The following CASK variants were observed in gnomAD, a reference collection of about 807,000 sequenced individuals.
CASK encodes calcium/calmodulin dependent serine protein kinase.
A neutral mutation model predicts 82.9 loss-of-function variants in CASK; 4 were observed. That is an observed-to-expected ratio of 0.05 (90% CI 0.02 to 0.11). The LOEUF (loss-of-function observed/expected upper bound fraction) is 0.11. Among genes scored for constraint, CASK ranks in the 10% least tolerant of loss-of-function variants. CASK has a pLI of 1.00. For synonymous variants in CASK, 259 were observed against 253.5 expected (o/e 1.02, Z -0.20); for missense variants, 358 against 720.9 (o/e 0.50, Z 5.76).
intron 12 of CASK, among the ~76,000 whole-genome samples, chrX:41,596,670 TA>T (rs979031153): frequency 2.7e-5 from 3 of 110,661 alleles, no homozygotes; most frequent in Middle Eastern, 4.7e-3. Flanking sequence ...CACTTTTTAT[TA>T]AAAAAAACAA....
intron 3 of CASK, among the ~76,000 whole-genome samples, chrX:41,786,346 G>A (rs1484682521): frequency 9.2e-6 from 1 of 108,631 alleles, no homozygotes; most frequent in African/African-American, 3.4e-5. Context: ...TATTTAGCAA[G>A]TATATCTTCT....
intron 2 of CASK, among the ~76,000 whole-genome samples, chrX:41,795,535 G>A (rs969697983): frequency 2.7e-5 from 3 of 110,699 alleles, no homozygotes; most frequent in African/African-American, 6.6e-5. Flanking sequence ...GTGCGGTGAC[G>A]TGTGCCTGTA....
intron 5 of CASK, among the ~76,000 whole-genome samples, chrX:41,733,654 C>A (rs764142592): frequency 2.7e-5 from 3 of 109,760 alleles, no homozygotes; most frequent in Middle Eastern, 4.7e-3. Context: ...GAGGCTGAGG[C>A]AGGAGAATGG....
intron 1 of CASK, among the ~76,000 whole-genome samples, chrX:41,854,203 TGCGC>T (rs1252712343): frequency 5.2e-5 from 4 of 77,642 alleles, no homozygotes; most frequent in African/African-American, 1.9e-4. Context: ...CCAGGGAACA[TGCGC>T]GCGCGCGCGG....
intron 2 of CASK, among the ~76,000 whole-genome samples, chrX:41,828,276 T>A (rs2070709941): frequency 9.0e-6 from 1 of 111,635 alleles, no homozygotes; most frequent in African/African-American, 3.3e-5. Context: ...TTCTTTGGAT[T>A]TTATAAGAAC....
chrX:41,843,089 AC>A (rs998717982), intron 2 of CASK, among the ~76,000 whole-genome samples: 1 of 111,727 alleles, frequency 9.0e-6, no homozygotes, highest in African/African-American at 3.3e-5. Flanking sequence ...TTTCATATAT[AC>A]ATGATAATGT....
chrX:41,840,994 T>C (rs1203240802), intron 2 of CASK, among the ~76,000 whole-genome samples: 1 of 112,279 alleles, frequency 8.9e-6, no homozygotes, highest in African/African-American at 3.2e-5. Context: ...CAAATAATGC[T>C]GCAATGACTA....
At chrX:41,785,007 T>A (rs1161387385) in intron 3 of CASK, among the ~76,000 whole-genome samples, 1 of 97,682 alleles carries the variant, frequency 1.0e-5, no homozygotes, top group African/African-American at 4.0e-5. Context: ...AAATTCTTTT[T>A]TTTTTTTTTT....
intron 1 of CASK, among the ~76,000 whole-genome samples, chrX:41,872,713 A>G (rs2148010333): frequency 1.8e-5 from 2 of 111,150 alleles, no homozygotes; most frequent in East Asian, 2.8e-4. Context: ...ACTCAAGTCC[A>G]TTCTTTATTT....
intron 11 of CASK, among the ~76,000 whole-genome samples, chrX:41,613,629 TAA>T (rs767946526): frequency 2.0e-4 from 10 of 49,856 alleles, no homozygotes; most frequent in Admixed American, 2.4e-4. Flanking sequence ...AATGATCAAT[TAA>T]AAAAAAAAAA....
intron 3 of CASK, among the ~76,000 whole-genome samples, chrX:41,758,529 G>C (rs1288975117): frequency 9.1e-6 from 1 of 110,464 alleles, no homozygotes; most frequent in African/African-American, 3.3e-5. Context: ...AGAGCATGGG[G>C]GAGTGGTGGT....
At chrX:41,739,783 T>A (rs2068563837) in intron 4 of CASK, among the ~76,000 whole-genome samples, 1 of 112,594 alleles carries the variant, frequency 8.9e-6, no homozygotes, top group Non-Finnish European at 1.9e-5. Context: ...AATACTCAGG[T>A]AATTCTACTT....
At chrX:41,733,679 GT>G (rs1257237044) in intron 5 of CASK, among the ~76,000 whole-genome samples, 7 of 110,526 alleles carry the variant, frequency 6.3e-5, no homozygotes, top group Non-Finnish European at 1.3e-4. Context: ...GACCTGGGAG[GT>G]TGAGCTTGCA....
intron 18 of CASK, chrX:41,559,496 G>A (rs773162330): frequency 4.4e-5 from 14 of 320,200 alleles, no homozygotes; most frequent in Admixed American, 1.9e-4. Flanking sequence ...CAGACACTCC[G>A]TTTTTTCCTT....
chrX:41,814,273 G>A (rs2070367425), intron 2 of CASK, among the ~76,000 whole-genome samples: 1 of 111,605 alleles, frequency 9.0e-6, no homozygotes. Flanking sequence ...ACATCATGCT[G>A]CTATAAAGAC....
At chrX:41,879,787 T>G (rs2071912689) in intron 1 of CASK, among the ~76,000 whole-genome samples, 1 of 112,231 alleles carries the variant, frequency 8.9e-6, no homozygotes, top group South Asian at 3.7e-4. Flanking sequence ...CAGAACTTAC[T>G]TTTATTTCAG....
At chrX:41,870,238 A>C (rs1208413344) in intron 1 of CASK, among the ~76,000 whole-genome samples, 1 of 112,158 alleles carries the variant, frequency 8.9e-6, no homozygotes, top group Non-Finnish European at 1.9e-5. Flanking sequence ...GAAAATAACC[A>C]GAGGTAATAA....
chrX:41,745,790 A>G (rs2068676426), intron 3 of CASK, among the ~76,000 whole-genome samples, 189 bp from the exon 4 acceptor site: 1 of 112,314 alleles, frequency 8.9e-6, no homozygotes, highest in South Asian at 3.6e-4. Flanking sequence ...CACATTGAAA[A>G]TCTGCAGGGA....
At chrX:41,900,024 A>G (rs1601954825) in intron 1 of CASK, among the ~76,000 whole-genome samples, 2 of 108,231 alleles carry the variant, frequency 1.8e-5, no homozygotes, top group East Asian at 5.7e-4. Flanking sequence ...TATATAATAC[A>G]TGGTTGGCAG....
Sources: gnomAD v4.1 joint callset for allele counts (sites outside exome capture counted in the v4.1 genomes callset) on GRCh38, gnomAD v4.1.1 for gene constraint, MANE v1.5 for transcripts, NCBI Gene and HGNC (gene_info 2026-07-23, HGNC 2026-07-21) for gene names.